Variants in NAALADL2 observed in about 807,000 individuals in gnomAD.
The protein encoded by NAALADL2 is inactive N-acetylated-alpha-linked acidic dipeptidase-like protein 2.
A neutral mutation model predicts 87.2 loss-of-function variants in NAALADL2; 76 were observed. That is an observed-to-expected ratio of 0.87 (90% CI 0.72 to 1.05). The LOEUF (loss-of-function observed/expected upper bound fraction) is 1.05, where lower values mean the gene tolerates loss of function less well. Ranked by LOEUF, NAALADL2 falls within the 50% of genes least tolerant of loss-of-function variation. NAALADL2 has a pLI of 0.00. For synonymous variants in NAALADL2, 354 were observed against 331.0 expected, an observed-to-expected ratio of 1.07 and a Z score of -0.75; for missense variants, 1,089 against 945.8, an observed-to-expected ratio of 1.15 and a Z score of -1.99.
intron 2 of NAALADL2, among the ~76,000 whole-genome samples, chr3:175,128,350 G>A (rs1727285512): frequency 6.6e-6 from 1 of 152,142 alleles, no homozygotes; most frequent in South Asian, 2.1e-4. Flanking sequence ...GATCATGGTT[G>A]TCTAATTTTT....
intron 1 of NAALADL2, among the ~76,000 whole-genome samples, chr3:174,969,603 A>G (rs990957352): frequency 6.6e-6 from 1 of 152,202 alleles, no homozygotes; most frequent in African/African-American, 2.4e-5. Context: ...AATTTTGATA[A>G]TAAGAGCAGA....
At chr3:174,696,698 T>A (rs1038004449) in intron 2 of NAALADL2, among the ~76,000 whole-genome samples, 4 of 151,960 alleles carry the variant, frequency 2.6e-5, no homozygotes, top group Admixed American at 6.6e-5. Context: ...CCATGTTGTA[T>A]GCATTTTTTG....
chr3:174,516,804 A>G (rs913460076), intron 1 of NAALADL2, among the ~76,000 whole-genome samples: 1 of 152,010 alleles, frequency 6.6e-6, no homozygotes, highest in Non-Finnish European at 1.5e-5. Context: ...ATTACAAATG[A>G]CATGTCTTTA....
At chr3:175,389,335 G>T (rs1012614012) in intron 5 of NAALADL2, among the ~76,000 whole-genome samples, 16 of 152,138 alleles carry the variant, frequency 1.1e-4, no homozygotes, top group Non-Finnish European at 2.4e-4. Context: ...TTTACATTTA[G>T]ATCCAAGAAG....
intron 2 of NAALADL2, among the ~76,000 whole-genome samples, chr3:174,583,850 T>C (rs1332095071): frequency 6.6e-6 from 1 of 152,158 alleles, no homozygotes; most frequent in Non-Finnish European, 1.5e-5. Flanking sequence ...ATTTTCCATA[T>C]GTTTTAGATC....
At chr3:175,207,219 C>G (rs1207081134) in intron 2 of NAALADL2, among the ~76,000 whole-genome samples, 1 of 151,886 alleles carries the variant, frequency 6.6e-6, no homozygotes, top group Admixed American at 6.6e-5. Context: ...TTAAAGCAGA[C>G]TAGGTCTTAA....
chr3:175,171,551 ATTAT>A (rs1311934536), intron 2 of NAALADL2, among the ~76,000 whole-genome samples: 2 of 152,090 alleles, frequency 1.3e-5, no homozygotes, highest in African/African-American at 4.8e-5. Flanking sequence ...ATATTTGTTC[ATTAT>A]TTATTCATTC....
At chr3:175,488,785 A>G (rs918406074) in intron 9 of NAALADL2, among the ~76,000 whole-genome samples, 2 of 152,218 alleles carry the variant, frequency 1.3e-5, no homozygotes, top group African/African-American at 4.8e-5. Context: ...ACGTGTTTGT[A>G]CTTAGACCAG....
intron 1 of NAALADL2, among the ~76,000 whole-genome samples, chr3:174,479,180 G>A (rs999672787): frequency 6.6e-6 from 1 of 152,128 alleles, no homozygotes; most frequent in African/African-American, 2.4e-5. Context: ...CATGTGGGGT[G>A]ATAGAAGTAT....
intron 2 of NAALADL2, among the ~76,000 whole-genome samples, chr3:174,712,670 G>A (rs1016210352): frequency 2.2e-4 from 33 of 152,144 alleles, no homozygotes; most frequent in African/African-American, 7.7e-4. Flanking sequence ...ACAGGCGTCA[G>A]CTACCGCGCT....
chr3:174,876,885 A>G (rs1390597074), intron 1 of NAALADL2, among the ~76,000 whole-genome samples: 1 of 152,158 alleles, frequency 6.6e-6, no homozygotes, highest in African/African-American at 2.4e-5. Context: ...CCATTCTGGA[A>G]GCTGGGAAAT....
intron 2 of NAALADL2, among the ~76,000 whole-genome samples, chr3:175,133,694 C>A (rs1163097167): frequency 6.6e-6 from 1 of 152,068 alleles, no homozygotes; most frequent in Non-Finnish European, 1.5e-5. Context: ...TTCGGCTTGG[C>A]ATCAGAGGGA....
At chr3:175,114,721 T>C (rs546882030) in intron 2 of NAALADL2, among the ~76,000 whole-genome samples, 1 of 151,636 alleles carries the variant, frequency 6.6e-6, no homozygotes, top group African/African-American at 2.4e-5. Context: ...CAGTAATACA[T>C]TGGGACTTAG....
At chr3:175,335,568 A>G (rs1761889491) in intron 5 of NAALADL2, among the ~76,000 whole-genome samples, 1 of 152,218 alleles carries the variant, frequency 6.6e-6, no homozygotes, top group South Asian at 2.1e-4. Flanking sequence ...TAAAGTAAAT[A>G]TTTTCTATTT....
At chr3:175,652,056 A>G (rs1730833157) in intron 11 of NAALADL2, among the ~76,000 whole-genome samples, 1 of 152,186 alleles carries the variant, frequency 6.6e-6, no homozygotes, top group Non-Finnish European at 1.5e-5. Context: ...TGTACATCAA[A>G]TTTCTATGTG....
intron 11 of NAALADL2, among the ~76,000 whole-genome samples, chr3:175,674,444 T>G (rs1734480858): frequency 6.6e-6 from 1 of 152,000 alleles, no homozygotes; most frequent in African/African-American, 2.4e-5. Flanking sequence ...TTTTGCATTT[T>G]TAGTAGAGAA....
At chr3:174,768,914 A>G (rs1192887929) in intron 3 of NAALADL2, among the ~76,000 whole-genome samples, 12 of 151,958 alleles carry the variant, frequency 7.9e-5, no homozygotes, top group Non-Finnish European at 5.9e-5. Flanking sequence ...TAATGCTATT[A>G]TACATTTAAT....
chr3:174,442,218 G>A (rs566596315), intron 1 of NAALADL2, among the ~76,000 whole-genome samples: 3 of 152,234 alleles, frequency 2.0e-5, no homozygotes, highest in South Asian at 2.1e-4. Flanking sequence ...TTAATCCTAC[G>A]AAGTGCTCTG....
chr3:175,133,247 C>T (rs1276581702), intron 2 of NAALADL2, among the ~76,000 whole-genome samples: 1 of 149,066 alleles, frequency 6.7e-6, no homozygotes, highest in Non-Finnish European at 1.5e-5. Context: ...ACTGGGCAGC[C>T]AGGCAGAGGG....
Sources: gnomAD v4.1 joint callset for allele counts (sites outside exome capture counted in the v4.1 genomes callset) on GRCh38, gnomAD v4.1.1 for gene constraint, MANE v1.5 for transcripts, NCBI Gene and HGNC (gene_info 2026-07-23, HGNC 2026-07-21) for gene names.